RBMS3: variants seen among roughly 807,000 people sequenced by gnomAD.
The protein encoded by RBMS3 is RNA binding motif single stranded interacting protein 3, also known as RNA-binding motif, single-stranded-interacting protein 3.
In RBMS3, 27 loss-of-function variants were observed where a neutral mutation model predicts 66.8. The ratio of observed to expected loss-of-function variants is 0.40; its 90% CI spans 0.30 to 0.56. RBMS3 has a LOEUF of 0.56. Among genes scored for constraint, RBMS3 ranks in the 20% least tolerant of loss-of-function variants. The probability of loss-of-function intolerance (pLI) is 0.40; values close to 1 mark genes in which losing one functional copy is unlikely to be tolerated. For missense variants in RBMS3, 513 were observed against 549.5 expected, an observed-to-expected ratio of 0.93 and a Z score of 0.66; for synonymous variants, 188 against 183.0, an observed-to-expected ratio of 1.03 and a Z score of -0.22.
intron 10 of RBMS3, among the ~76,000 whole-genome samples, chr3:29,921,904 T>G (rs940822451): frequency 6.6e-6 from 1 of 152,178 alleles, no homozygotes; most frequent in African/African-American, 2.4e-5. Flanking sequence ...AGCCTCCTGC[T>G]GAAGCAAAAC....
chr3:29,360,748 A>G (rs947981202), intron 1 of RBMS3, among the ~76,000 whole-genome samples: 2 of 152,048 alleles, frequency 1.3e-5, no homozygotes, highest in African/African-American at 4.8e-5. Context: ...AGGTGTATAT[A>G]TATTTAGGAT....
chr3:29,907,238 T>C lies in RBMS3; in HGVS notation c.939+7483T>C, dbSNP rs559126410. On this transcript the variant is annotated intron_variant, in intron 10 of 14. Coordinates refer to ENST00000383767, the MANE Select transcript of RBMS3 (RefSeq NM_001003793.3). Reference sequence around the variant, plus strand: ...ATATGAAACAATTTTTGTAACCAGCTATCTTTCTGAATTCCCTCATTGTTT... The same window carrying C: ...ATATGAAACAATTTTTGTAACCAGCCATCTTTCTGAATTCCCTCATTGTTT... 9.2e-5 allele frequency among the ~76,000 whole-genome samples: 14 copies of C among 152,292 alleles called. No homozygotes were observed. The South Asian group carries it at 2.1e-3, about 23-fold the overall frequency.
chr3:29,673,217 A>C (rs1284676279), intron 4 of RBMS3, among the ~76,000 whole-genome samples: 1 of 152,224 alleles, frequency 6.6e-6, no homozygotes, highest in Non-Finnish European at 1.5e-5. Context: ...AAGACACAAC[A>C]TACCAGAATC....
At chr3:29,408,248 GAT>G in intron 1 of RBMS3, among the ~76,000 whole-genome samples, 1 of 139,790 alleles carries the variant, frequency 7.2e-6, no homozygotes, top group Non-Finnish European at 1.5e-5. Flanking sequence ...CTCCAGCCTG[GAT>G]GACAGAGCGA....
intron 8 of RBMS3, among the ~76,000 whole-genome samples, chr3:29,889,691 T>C (rs1443572027): frequency 6.6e-6 from 1 of 151,738 alleles, no homozygotes; most frequent in African/African-American, 2.4e-5. Context: ...TGTGTACTTC[T>C]TGATACCCAT....
At chr3:29,365,939 G>C (rs2037876312) in intron 1 of RBMS3, among the ~76,000 whole-genome samples, 1 of 152,098 alleles carries the variant, frequency 6.6e-6, no homozygotes, top group African/African-American at 2.4e-5. Flanking sequence ...ACTGTACTGA[G>C]TACTCTCTGG....
chr3:29,863,232 G>A (rs1052122658), intron 6 of RBMS3, among the ~76,000 whole-genome samples: 6 of 151,588 alleles, frequency 4.0e-5, no homozygotes, highest in Non-Finnish European at 8.8e-5. Flanking sequence ...TGGGGGGAGA[G>A]GGGGAGGGAT....
chr3:29,522,355 G>C (rs1032318098), intron 3 of RBMS3, among the ~76,000 whole-genome samples: 11 of 152,054 alleles, frequency 7.2e-5, no homozygotes, highest in Non-Finnish European at 2.9e-5. Flanking sequence ...ACCATGCCCA[G>C]CTAATTTTTT....
chr3:30,001,800 ATTTT>A (rs1460428296), intron 14 of RBMS3, among the ~76,000 whole-genome samples: 5 of 150,684 alleles, frequency 3.3e-5, no homozygotes, highest in African/African-American at 9.7e-5. Context: ...TTTATTATTT[ATTTT>A]ATTTATTTAT....
intron 3 of RBMS3, among the ~76,000 whole-genome samples, chr3:29,523,208 AG>A (rs1181337195): frequency 6.6e-6 from 1 of 152,178 alleles, no homozygotes; most frequent in Admixed American, 6.5e-5. Flanking sequence ...CTGCCTCTCA[AG>A]ATTTTTTTGT....
intron 1 of RBMS3, among the ~76,000 whole-genome samples, chr3:29,316,770 G>A (rs2034704841): frequency 2.0e-5 from 3 of 151,260 alleles, no homozygotes; most frequent in Non-Finnish European, 3.0e-5. Context: ...CTTCTATTCC[G>A]GACTATATAC....
intron 1 of RBMS3, among the ~76,000 whole-genome samples, chr3:29,394,318 C>T (rs533430688): frequency 2.6e-5 from 4 of 152,294 alleles, no homozygotes; most frequent in South Asian, 4.1e-4. Context: ...GGTTATCTCC[C>T]TTGTTCCCTG....
chr3:29,341,709 C>A (rs1290762508), intron 1 of RBMS3, among the ~76,000 whole-genome samples: 1 of 152,102 alleles, frequency 6.6e-6, no homozygotes, highest in East Asian at 1.9e-4. Context: ...CTGCTCTTAA[C>A]TAACAGCATG....
chr3:29,491,048 A>G (rs1244885135), intron 3 of RBMS3, among the ~76,000 whole-genome samples: 1 of 152,124 alleles, frequency 6.6e-6, no homozygotes, highest in East Asian at 1.9e-4. Context: ...TCACAGTACA[A>G]CTCTGAAGAC....
At chr3:29,590,005 T>C (rs1329119697) in intron 4 of RBMS3, among the ~76,000 whole-genome samples, 1 of 152,144 alleles carries the variant, frequency 6.6e-6, no homozygotes, top group Non-Finnish European at 1.5e-5. Flanking sequence ...ACCCAGGAAG[T>C]GGTAATTGAT....
intron 1 of RBMS3, among the ~76,000 whole-genome samples, chr3:29,322,536 A>G (rs1312338189): frequency 6.6e-6 from 1 of 152,044 alleles, no homozygotes; most frequent in Non-Finnish European, 1.5e-5. Context: ...AAATCATAAA[A>G]TCTTAGTCCT....
chr3:29,760,451 G>A (rs914390035), intron 5 of RBMS3, among the ~76,000 whole-genome samples: 3 of 151,980 alleles, frequency 2.0e-5, no homozygotes, highest in Admixed American at 6.6e-5. Flanking sequence ...GGGGCTCTGA[G>A]GCATAAACTT....
chr3:29,853,318 A>C (rs888952939), intron 6 of RBMS3, among the ~76,000 whole-genome samples: 2 of 152,232 alleles, frequency 1.3e-5, no homozygotes, highest in African/African-American at 4.8e-5. Flanking sequence ...ATAAAAATTA[A>C]ATTTAAAAAA....
chr3:29,849,982 C>G (rs1466568999), intron 6 of RBMS3, among the ~76,000 whole-genome samples: 1 of 152,132 alleles, frequency 6.6e-6, no homozygotes, highest in Non-Finnish European at 1.5e-5. Context: ...AAAGAATATG[C>G]CTACCTGCCT....
Sources: allele counts gnomAD v4.1 joint callset (sites outside exome capture counted in the v4.1 genomes callset), GRCh38; gene constraint gnomAD v4.1.1; transcripts MANE v1.5; gene names NCBI Gene and HGNC (gene_info 2026-07-23, HGNC 2026-07-21).